The following ADAMTS18 variants were observed in gnomAD, a reference collection of about 807,000 sequenced individuals.
ADAMTS18 encodes A disintegrin and metalloproteinase with thrombospondin motifs 18.
In ADAMTS18, 157 loss-of-function variants were observed where a neutral mutation model predicts 165.9. The observed-to-expected ratio is 0.95, with a 90% CI of 0.83 to 1.08. The LOEUF is 1.08. ADAMTS18 is among the 50% of genes least tolerant of loss of function. The pLI is 0.00. For synonymous variants in ADAMTS18, 782 were observed against 578.2 expected (o/e 1.35, Z -5.06); for missense variants, 2,040 against 1,534.0 (o/e 1.33, Z -5.51).
intron 3 of ADAMTS18, among the ~76,000 whole-genome samples, chr16:77,378,178 C>T (rs180911371): frequency 6.6e-6 from 1 of 151,686 alleles, no homozygotes; most frequent in Non-Finnish European, 1.5e-5. Flanking sequence ...AAATGTTAGC[C>T]AGGTGTGTGT....
At chr16:77,293,351 A>G in intron 19 of ADAMTS18, 93 bp from the exon 20 acceptor site, 1 of 1,142,614 alleles carries the variant, frequency 8.8e-7, no homozygotes, top group Non-Finnish European at 1.3e-6. Flanking sequence ...ATTCCTGTGA[A>G]AGGTGGGATA....
intron 3 of ADAMTS18, among the ~76,000 whole-genome samples, chr16:77,393,999 G>A (rs1448635567): frequency 6.6e-6 from 1 of 152,214 alleles, no homozygotes. Context: ...TTGGATTACT[G>A]CTGCTGAGAT....
chr16:77,419,638 T>C (rs1186902944), intron 3 of ADAMTS18, among the ~76,000 whole-genome samples: 1 of 152,092 alleles, frequency 6.6e-6, no homozygotes. Context: ...CTGCAAAAAC[T>C]CCTTCCCAGA....
At chr16:77,432,193 G>A (rs1055226357) in intron 2 of ADAMTS18, among the ~76,000 whole-genome samples, 7 of 152,250 alleles carry the variant, frequency 4.6e-5, no homozygotes, top group Middle Eastern at 3.4e-3. Context: ...TTATTTATGT[G>A]TGATAAGAAA....
chr16:77,297,258 C>A (rs940060786), intron 18 of ADAMTS18, 31 bp downstream of exon 18: 1 of 1,613,882 alleles, frequency 6.2e-7, no homozygotes, highest in African/African-American at 1.3e-5. Context: ...AAGTACAAAA[C>A]TAAACAAAAA....
intron 11 of ADAMTS18, among the ~76,000 whole-genome samples, chr16:77,339,443 AAC>A (rs892367088): frequency 1.3e-5 from 2 of 152,126 alleles, no homozygotes; most frequent in African/African-American, 4.8e-5. Context: ...ACTGAAGCCT[AAC>A]ACAAGTACGT....
chr16:77,330,833 T>C (rs1597131069), intron 12 of ADAMTS18, among the ~76,000 whole-genome samples: 1 of 152,346 alleles, frequency 6.6e-6, no homozygotes, highest in South Asian at 2.1e-4. Flanking sequence ...CTCACACTGC[T>C]TCTCGGATGA....
chr16:77,297,578 G>A (rs1327603091), intron 17 of ADAMTS18, among the ~76,000 whole-genome samples, 163 bp from the exon 18 acceptor site: 2 of 151,944 alleles, frequency 1.3e-5, no homozygotes, highest in African/African-American at 2.4e-5. Flanking sequence ...CAACTAATTT[G>A]AATTCCATTC....
chr16:77,347,518 G>A (rs983458706), intron 10 of ADAMTS18, among the ~76,000 whole-genome samples: 22 of 152,048 alleles, frequency 1.4e-4, no homozygotes, highest in African/African-American at 5.1e-4. Flanking sequence ...GTGCAGTGGT[G>A]CCCCATTATA....
chr16:77,335,621 A>T (rs1011263943), intron 12 of ADAMTS18, 135 bp downstream of exon 12: 3 of 1,100,018 alleles, frequency 2.7e-6, no homozygotes, highest in Non-Finnish European at 4.1e-6. Context: ...TGTACCCCAT[A>T]AATATGTATA....
At chr16:77,310,101 G>A (rs1297372238) in intron 16 of ADAMTS18, among the ~76,000 whole-genome samples, 1 of 152,184 alleles carries the variant, frequency 6.6e-6, no homozygotes, top group Non-Finnish European at 1.5e-5. Flanking sequence ...AATGGGGCAA[G>A]GACAGGCTGG....
At chr16:77,403,642 A>C (rs551739699) in intron 3 of ADAMTS18, among the ~76,000 whole-genome samples, 1 of 152,218 alleles carries the variant, frequency 6.6e-6, no homozygotes, top group Non-Finnish European at 1.5e-5. Context: ...AACAACATCT[A>C]AATGACCTGT....
intron 3 of ADAMTS18, among the ~76,000 whole-genome samples, chr16:77,422,976 T>G (rs1014591837): frequency 6.6e-6 from 1 of 152,212 alleles, no homozygotes; most frequent in African/African-American, 2.4e-5. Context: ...TCAGACACCT[T>G]GAGGACAATG....
intron 21 of ADAMTS18, among the ~76,000 whole-genome samples, chr16:77,290,244 G>A (rs546463464): frequency 5.3e-5 from 8 of 152,196 alleles, no homozygotes; most frequent in Middle Eastern, 3.4e-3. Context: ...ATAGGCATAC[G>A]GCCTCTGTTG....
In ADAMTS18 at chr16:77,363,847, G is replaced by T. The variant is rs1318976409; in HGVS notation, c.1011C>A (p.Asp337Glu). 2.5e-6 allele frequency: 4 copies of T among 1,613,806 alleles called. No homozygotes were observed. The highest frequency in any genetic ancestry group is 2.7e-5 in the African/African-American group (2 of 74,892). Residue 337 changes from aspartate to glutamate, a missense_variant, in exon 6 of 23, where the codon GAC becomes GAA. By Grantham distance (45) the Asp-to-Glu change is conservative. Transcript: ENST00000282849. ...GLFKDGTIGS[D>E]INVVVVSLIL... ...TTAGGCTCACCACAACCACGTTTAT[G>T]TCACTTCCAATAGTCCCATCTTTAA... is the stretch of plus-strand genomic sequence containing the variant.
chr16:77,399,047 G>A (rs769887688), intron 3 of ADAMTS18, among the ~76,000 whole-genome samples: 27 of 152,190 alleles, frequency 1.8e-4, no homozygotes, highest in Non-Finnish European at 3.1e-4. Flanking sequence ...TTTCTTGCAG[G>A]CCAAAAGGAA....
rs1567539686 is a variant in ADAMTS18, at chr16:77,397,592, C to T, written c.496-29869G>A. Among the ~76,000 whole-genome samples the T allele has an allele frequency of 2.0e-5, 3 of 152,162 alleles. No homozygotes were observed. In the South Asian group the frequency reaches 6.2e-4, roughly 31 times the overall value. On this transcript the variant is annotated intron_variant, in intron 3 of 22. Transcript: ENST00000282849. Reference sequence around the variant, plus strand: ...AATCTATTCCAAGAACTGAGTAAAACTGCCCACTATACAGAGCATGAGAAG... The same window carrying T: ...AATCTATTCCAAGAACTGAGTAAAATTGCCCACTATACAGAGCATGAGAAG...
intron 3 of ADAMTS18, among the ~76,000 whole-genome samples, chr16:77,411,019 C>T (rs1295228456): frequency 6.6e-6 from 1 of 152,154 alleles, no homozygotes. Context: ...AACTGAAACC[C>T]TCATTTTCCC....
intron 3 of ADAMTS18, among the ~76,000 whole-genome samples, chr16:77,392,107 T>C (rs1346898214): frequency 2.6e-5 from 4 of 152,158 alleles, no homozygotes; most frequent in African/African-American, 4.8e-5. Context: ...ACCACACAGA[T>C]GTGCCAGGCA....
Sources: allele counts gnomAD v4.1 joint callset (sites outside exome capture counted in the v4.1 genomes callset), GRCh38; gene constraint gnomAD v4.1.1; transcripts MANE v1.5; gene names NCBI Gene and HGNC (gene_info 2026-07-23, HGNC 2026-07-21).